The following MTUS2 variants were observed in gnomAD, a reference collection of about 807,000 sequenced individuals.
The protein encoded by MTUS2 is microtubule associated scaffold protein 2.
Under a neutral mutation model 114.1 loss-of-function variants are expected in MTUS2, and 40 were observed. The ratio of observed to expected loss-of-function variants is 0.35; its 90% CI spans 0.27 to 0.46. The LOEUF (loss-of-function observed/expected upper bound fraction) is 0.46, where lower values mean the gene tolerates loss of function less well. Ranked by LOEUF, MTUS2 falls within the 20% of genes least tolerant of loss-of-function variation. The pLI is 1.00. For missense variants in MTUS2, 1,679 were observed against 1,705.4 expected (o/e 0.98, Z 0.27); for synonymous variants, 688 against 672.0 (o/e 1.02, Z -0.37).
In MTUS2 at chr13:28,940,655, CAG is replaced by C. The variant is rs201278452; in HGVS notation, c.-242-83800_-242-83799del. 5.8e-3 allele frequency among the ~76,000 whole-genome samples: 877 copies of C among 151,606 alleles called. 9 individuals are homozygous for C. In the East Asian group the frequency reaches 0.068, roughly 12 times the overall value. ...ATAAATATTCGAATATTAAAAAAAA[CAG>C]AAATTGAGAGTTCAATAGTGAGTTT... On this transcript the variant is annotated intron_variant, in intron 2 of 15. Coordinates refer to ENST00000612955, the MANE Select transcript of MTUS2 (RefSeq NM_001033602.4).
intron 5 of MTUS2, among the ~76,000 whole-genome samples, chr13:29,186,932 TA>T: frequency 6.6e-6 from 1 of 152,022 alleles, no homozygotes; most frequent in Non-Finnish European, 1.5e-5. Flanking sequence ...ATGACTGGAA[TA>T]AAATTAGGAA....
intron 1 of MTUS2, among the ~76,000 whole-genome samples, chr13:28,826,881 G>A (rs559389937): frequency 4.6e-5 from 7 of 152,212 alleles, no homozygotes; most frequent in Admixed American, 6.5e-5. Flanking sequence ...GATTGCTACT[G>A]CAGAGTACTA....
At chr13:28,922,243 T>C (rs1418036105) in intron 2 of MTUS2, among the ~76,000 whole-genome samples, 1 of 152,184 alleles carries the variant, frequency 6.6e-6, no homozygotes, top group Non-Finnish European at 1.5e-5. Flanking sequence ...ATGCCTCCTA[T>C]ATAGCCTGTG....
chr13:28,929,312 G>A (rs568288503), intron 2 of MTUS2, among the ~76,000 whole-genome samples: 1 of 152,224 alleles, frequency 6.6e-6, no homozygotes, highest in South Asian at 2.1e-4. Context: ...AGCTAGAAGA[G>A]AATAATTTGA....
chr13:28,996,935 C>T (rs191263312), intron 2 of MTUS2, among the ~76,000 whole-genome samples: 222 of 151,222 alleles, frequency 1.5e-3, no homozygotes, highest in Non-Finnish European at 2.7e-3. Flanking sequence ...TTCTTGCCTT[C>T]TGCTTTTGAA....
chr13:29,037,657 G>A (rs951860776), intron 4 of MTUS2, among the ~76,000 whole-genome samples: 2 of 152,154 alleles, frequency 1.3e-5, no homozygotes, highest in African/African-American at 4.8e-5. Flanking sequence ...CCAATCAAAT[G>A]TAGGTTTGGT....
intron 4 of MTUS2, among the ~76,000 whole-genome samples, chr13:29,099,553 T>C (rs1890322350): frequency 6.6e-6 from 1 of 152,256 alleles, no homozygotes; most frequent in Non-Finnish European, 1.5e-5. Context: ...GGTTTCTTCA[T>C]GGATTTATAG....
intron 2 of MTUS2, among the ~76,000 whole-genome samples, chr13:28,949,533 A>C (rs1882705996): frequency 6.6e-6 from 1 of 152,368 alleles, no homozygotes; most frequent in African/African-American, 2.4e-5. Flanking sequence ...GTGTTAATTA[A>C]ATTCACAGTA....
intron 2 of MTUS2, among the ~76,000 whole-genome samples, chr13:28,948,397 G>A (rs2138162845): frequency 6.6e-6 from 1 of 152,256 alleles, no homozygotes; most frequent in East Asian, 1.9e-4. Flanking sequence ...TTCTGTATAA[G>A]AAGGAGCTTT....
At chr13:29,000,164 A>G (rs1437158962) in intron 2 of MTUS2, among the ~76,000 whole-genome samples, 1 of 152,120 alleles carries the variant, frequency 6.6e-6, no homozygotes, top group Non-Finnish European at 1.5e-5. Flanking sequence ...TCATATGGTA[A>G]TTCTATTTTT....
chr13:29,044,715 TA>T (rs1887536026), intron 4 of MTUS2, among the ~76,000 whole-genome samples: 1 of 152,220 alleles, frequency 6.6e-6, no homozygotes, highest in African/African-American at 2.4e-5. Context: ...AAATAACATT[TA>T]TTTACTAACT....
intron 8 of MTUS2, among the ~76,000 whole-genome samples, chr13:29,435,808 G>C (rs566954365): frequency 2.0e-5 from 3 of 152,346 alleles, no homozygotes; most frequent in East Asian, 3.9e-4. Context: ...CACTTATGGA[G>C]GAAGGGCTGT....
At chr13:29,469,531 G>A (rs950051672) in intron 9 of MTUS2, among the ~76,000 whole-genome samples, 1 of 151,966 alleles carries the variant, frequency 6.6e-6, no homozygotes, top group South Asian at 2.1e-4. Context: ...GGAGGCTGAG[G>A]CAGGAGAATG....
At chr13:28,968,676 T>A (rs898783483) in intron 2 of MTUS2, among the ~76,000 whole-genome samples, 1 of 152,210 alleles carries the variant, frequency 6.6e-6, no homozygotes, top group Non-Finnish European at 1.5e-5. Flanking sequence ...TTTATATGAC[T>A]CGTGCCTTAC....
chr13:29,050,598 C>T (rs536059202), intron 4 of MTUS2, among the ~76,000 whole-genome samples: 1 of 152,214 alleles, frequency 6.6e-6, no homozygotes, highest in African/African-American at 2.4e-5. Context: ...ATCTTACCCC[C>T]CTCTTCACAC....
rs145692498 is a variant in MTUS2 at position 28,856,797 on chromosome 13, A to C, written c.-243+16947A>C. Among the ~76,000 whole-genome samples the C allele has an allele frequency of 1.8e-3, 268 of 152,330 alleles. 2 individuals carry two copies. In the East Asian group the frequency reaches 0.02, roughly 11 times the overall value. ...ACAGAAGCCTCCCTACCCCGCCAAAATAAAGAGTCCTATTTCGCATCTTTG... is the reference window on the plus strand; with the variant it reads ...ACAGAAGCCTCCCTACCCCGCCAAACTAAAGAGTCCTATTTCGCATCTTTG... On this transcript the variant is annotated intron_variant, in intron 2 of 15. Coordinates refer to ENST00000612955, the MANE Select transcript of MTUS2 (RefSeq NM_001033602.4).
chr13:29,406,155 G>T (rs1317947895), intron 8 of MTUS2, among the ~76,000 whole-genome samples: 1 of 152,156 alleles, frequency 6.6e-6, no homozygotes, highest in Admixed American at 6.6e-5. Context: ...CCATGATCCT[G>T]TGACCGTCCC....
At chr13:29,251,093 A>G (rs1353475718) in intron 5 of MTUS2, among the ~76,000 whole-genome samples, 2 of 152,172 alleles carry the variant, frequency 1.3e-5, no homozygotes, top group Non-Finnish European at 2.9e-5. Flanking sequence ...ATCAGATGGT[A>G]ATTTATAATA....
At chr13:29,489,007 G>A (rs1043773317) in intron 11 of MTUS2, among the ~76,000 whole-genome samples, 4 of 152,202 alleles carry the variant, frequency 2.6e-5, no homozygotes, top group East Asian at 1.9e-4. Flanking sequence ...ATTAAAGGCC[G>A]GGAGCCGTGG....
Sources: allele counts gnomAD v4.1 joint callset (sites outside exome capture counted in the v4.1 genomes callset), GRCh38; gene constraint gnomAD v4.1.1; transcripts MANE v1.5; gene names NCBI Gene and HGNC (gene_info 2026-07-23, HGNC 2026-07-21).